Variants in VCL observed in about 807,000 individuals in gnomAD.
The protein encoded by VCL is epididymis luminal protein 114.
Under a neutral mutation model 125.7 loss-of-function variants are expected in VCL, and 47 were observed. The ratio of observed to expected loss-of-function variants is 0.37; its 90% CI spans 0.30 to 0.48. VCL has a LOEUF of 0.48. Among genes scored for constraint, VCL ranks in the 20% least tolerant of loss-of-function variants. The pLI, the probability that VCL is intolerant of heterozygous loss-of-function variation, is 0.99. For synonymous variants in VCL, 458 were observed against 514.6 expected, an observed-to-expected ratio of 0.89 and a Z score of 1.49; for missense variants, 1,069 against 1,455.5, an observed-to-expected ratio of 0.73 and a Z score of 4.32.
chr10:74,111,439 A>C (rs1840216676), intron 18 of VCL, among the ~76,000 whole-genome samples: 1 of 152,228 alleles, frequency 6.6e-6, no homozygotes, highest in African/African-American at 2.4e-5. Flanking sequence ...AACAGTGACC[A>C]TATGATCCAG....
chr10:74,023,781 GTGA>G (rs1399284438), intron 1 of VCL, among the ~76,000 whole-genome samples: 2 of 152,232 alleles, frequency 1.3e-5, no homozygotes, highest in Non-Finnish European at 2.9e-5. Context: ...ATGAAGAGCA[GTGA>G]TGAAATACAA....
chr10:74,093,331 T>G (rs367844447), intron 10 of VCL, among the ~76,000 whole-genome samples: 262 of 152,264 alleles, frequency 1.7e-3, no homozygotes, highest in African/African-American at 5.3e-3. Context: ...GTGGCGACTC[T>G]GAAGTCACGG....
intron 1 of VCL, among the ~76,000 whole-genome samples, chr10:74,034,312 C>T (rs1192646198): frequency 6.6e-6 from 1 of 152,174 alleles, no homozygotes; most frequent in Non-Finnish European, 1.5e-5. Flanking sequence ...GTCCTCTCCA[C>T]ATCTCCTCTC....
At chr10:74,020,686 C>A (rs1275814755) in intron 1 of VCL, among the ~76,000 whole-genome samples, 3 of 151,538 alleles carry the variant, frequency 2.0e-5, no homozygotes, top group Non-Finnish European at 2.9e-5. Context: ...ACAAAAAATA[C>A]AAAAATTAGG....
rs562681900 is a variant in VCL, at chr10:74,094,521, G to T, written c.1543+60G>T. Reference sequence around the variant, plus strand: ...TGGTCTCAGTGCAAATAAGCAAGTTGTTGATAGGGGTCCTGTAACATCTGT... The same window carrying T: ...TGGTCTCAGTGCAAATAAGCAAGTTTTTGATAGGGGTCCTGTAACATCTGT... On this transcript the variant is annotated intron_variant, in intron 11 of 21. Coordinates refer to ENST00000211998, the MANE Select transcript of VCL (RefSeq NM_014000.3). 4.5e-6 allele frequency: 7 copies of T among 1,562,048 alleles called. No homozygotes were observed. In the African/African-American group the frequency reaches 8.1e-5, roughly 18 times the overall value.
At chr10:74,007,519 G>A (rs1439183503) in intron 1 of VCL, among the ~76,000 whole-genome samples, 4 of 151,446 alleles carry the variant, frequency 2.6e-5, no homozygotes, top group African/African-American at 7.3e-5. Context: ...TTTTTGAGAC[G>A]GAGTTTCGCT....
Position 74,118,144 on chromosome 10 carries a change from T to G in VCL, c.3380T>G (p.Val1127Gly). The G allele has an allele frequency of 6.2e-7, 1 of 1,614,060 alleles. No homozygotes were observed. Among genetic ancestry groups the G allele is most frequent in the Non-Finnish European group, 8.5e-7 (1 of 1,179,998 alleles). The stretch of plus-strand genomic sequence containing the variant: ...GATGCTGGATTTACACTGCGCTGGG[T>G]TAGAAAGACTCCCTGGTACCAGTAG... ...RTDAGFTLRWVRKTPWYQ is the reference protein window; with the variant it reads ...RTDAGFTLRWGRKTPWYQ The change falls in exon 22 of 22, where the codon GTT (valine) becomes GGT (glycine). Residue 1127 changes from valine to glycine, a missense_variant. Transcript: ENST00000211998.
chr10:74,117,992 T>G, intron 21 of VCL, 31 bp from the exon 22 acceptor site: 1 of 1,613,232 alleles, frequency 6.2e-7, no homozygotes, highest in Non-Finnish European at 8.5e-7. Flanking sequence ...TCAGGGACCC[T>G]GGGTAACGGA....
At position 74,090,085 on chromosome 10, in the gene VCL, T is replaced by C; in HGVS notation, c.1239T>C (p.Ala413=). 1 of 1,614,180 alleles carries C rather than the reference T, an allele frequency of 6.2e-7. No individual in the cohort carries two copies. Among genetic ancestry groups the C allele is most frequent in the Non-Finnish European group, 8.5e-7 (1 of 1,180,026 alleles). Residue 413 remains alanine, a synonymous_variant, in exon 10 of 22, where the codon GCT becomes GCC. Transcript: ENST00000211998. ...AAGAGCAGATTCGAGGTGCTTTGGC[T>C]GAAGCTCGGAAAATAGCAGAATTAT... is the stretch of plus-strand genomic sequence containing the variant. ...EGEEQIRGAL[A]EARKIAELCD...
intron 2 of VCL, among the ~76,000 whole-genome samples, chr10:74,062,838 C>G (rs111279097): frequency 6.6e-6 from 1 of 151,996 alleles, no homozygotes; most frequent in African/African-American, 2.4e-5. Context: ...GAGGCTGAGG[C>G]GGGTGGATCA....
intron 5 of VCL, among the ~76,000 whole-genome samples, chr10:74,073,880 C>T (rs958502707): frequency 6.6e-6 from 1 of 152,118 alleles, no homozygotes; most frequent in African/African-American, 2.4e-5. Flanking sequence ...ATTGTGACTT[C>T]CAGCTACCTG....
chr10:74,052,940 A>AG (rs1426998617), intron 2 of VCL, among the ~76,000 whole-genome samples: 1 of 119,140 alleles, frequency 8.4e-6, no homozygotes, highest in Non-Finnish European at 1.6e-5. Flanking sequence ...TGTGATGAAA[A>AG]AAAAAAATAT....
intron 1 of VCL, among the ~76,000 whole-genome samples, chr10:74,025,729 G>C (rs1377502082): frequency 6.6e-6 from 1 of 150,790 alleles, no homozygotes; most frequent in African/African-American, 2.4e-5. Flanking sequence ...GGAGGAGGGA[G>C]GTTTAGGATT....
At chr10:74,102,345 A>C (rs1334993255) in intron 14 of VCL, among the ~76,000 whole-genome samples, 3 of 151,974 alleles carry the variant, frequency 2.0e-5, no homozygotes. Context: ...GGGAAAAAAA[A>C]CCAAACTGTA....
chr10:74,108,372 C>T (rs1431855858), intron 17 of VCL, among the ~76,000 whole-genome samples: 2 of 152,180 alleles, frequency 1.3e-5, no homozygotes, highest in Non-Finnish European at 1.5e-5. Flanking sequence ...GAACCAGGAC[C>T]ACAACTTACA....
intron 16 of VCL, 92 bp downstream of exon 16, chr10:74,105,445 C>A (rs893359112): frequency 1.9e-6 from 3 of 1,539,198 alleles, no homozygotes; most frequent in Non-Finnish European, 2.7e-6. Flanking sequence ...CCACCACATA[C>A]AAAGTCTGGG....
chr10:74,018,973 T>C (rs2095662864), intron 1 of VCL, among the ~76,000 whole-genome samples: 1 of 152,184 alleles, frequency 6.6e-6, no homozygotes, highest in African/African-American at 2.4e-5. Flanking sequence ...CTTTGCATGT[T>C]TTGGGGAACA....
In VCL at chr10:74,103,828, G is replaced by C. The variant is rs1053913009; in HGVS notation, c.2031G>C (p.Ser677=). Residue 677 remains serine, a synonymous_variant, in exon 15 of 22, where the codon TCG becomes TCC. Coordinates refer to ENST00000211998, the MANE Select transcript of VCL (RefSeq NM_014000.3). The part of the protein sequence containing the change: ...TARELTPQVV[S]AARILLRNPG... ...TGTTTTGTCATTGTCAGGTGGTCTC[G>C]GCTGCTCGTATCTTACTTAGGAACC... is the stretch of plus-strand genomic sequence containing the variant. 6.2e-7 allele frequency: 1 copy of C among 1,614,028 alleles called. No homozygotes were observed.
chr10:74,058,433 G>A (rs1432557777), intron 2 of VCL, among the ~76,000 whole-genome samples: 2 of 152,110 alleles, frequency 1.3e-5, no homozygotes, highest in Non-Finnish European at 2.9e-5. Context: ...AAATTTTCAA[G>A]TGTTCTGTTC....
Sources: gnomAD v4.1 joint callset for allele counts (sites outside exome capture counted in the v4.1 genomes callset) on GRCh38, gnomAD v4.1.1 for gene constraint, MANE v1.5 for transcripts, NCBI Gene and HGNC (gene_info 2026-07-23, HGNC 2026-07-21) for gene names.